The following LSM12 variants were observed in gnomAD, a reference collection of about 807,000 sequenced individuals.
LSM12 encodes the protein LSM12 homolog, also known as protein LSM12.
For missense variants in LSM12, 108 were observed against 238.9 expected, an observed-to-expected ratio of 0.45 and a Z score of 3.61; for synonymous variants, 74 against 87.3, an observed-to-expected ratio of 0.85 and a Z score of 0.85.
intron 2 of LSM12, among the ~76,000 whole-genome samples, chr17:44,048,610 T>C (rs1044619356): frequency 3.3e-5 from 5 of 151,940 alleles, no homozygotes; most frequent in Non-Finnish European, 5.9e-5. Flanking sequence ...CTGGTTAGCA[T>C]CTCAAAGAAT....
intron 2 of LSM12, among the ~76,000 whole-genome samples, chr17:44,043,004 C>G (rs2144077025): frequency 6.6e-6 from 1 of 152,278 alleles, no homozygotes; most frequent in South Asian, 2.1e-4. Context: ...CGCCTGGCTC[C>G]AAGCATAGTT....
At chr17:44,058,231 C>T (rs994306293) in intron 2 of LSM12, among the ~76,000 whole-genome samples, 1 of 150,412 alleles carries the variant, frequency 6.6e-6, no homozygotes, top group African/African-American at 2.4e-5. Flanking sequence ...AGCAAGACTC[C>T]GTCTCAAAAA....
chr17:44,055,105 C>T (rs890514678), intron 2 of LSM12, among the ~76,000 whole-genome samples: 13 of 152,028 alleles, frequency 8.6e-5, no homozygotes, highest in Non-Finnish European at 1.8e-4. Context: ...CCGCCTCGGC[C>T]TCCCAAAGTG....
At chr17:44,046,097 C>A (rs957084131) in intron 2 of LSM12, among the ~76,000 whole-genome samples, 1 of 151,232 alleles carries the variant, frequency 6.6e-6, no homozygotes, top group Non-Finnish European at 1.5e-5. Context: ...CCACCACGCC[C>A]GGATAATTTT....
intron 2 of LSM12, among the ~76,000 whole-genome samples, chr17:44,060,679 CT>C (rs1192525503): frequency 1.3e-5 from 2 of 152,216 alleles, no homozygotes; most frequent in Non-Finnish European, 2.9e-5. Flanking sequence ...CTATTACTTC[CT>C]GCTGCTTTCC....
chr17:44,039,363 GTCT>G (rs2049458355), intron 3 of LSM12, among the ~76,000 whole-genome samples: 2 of 91,186 alleles, frequency 2.2e-5, no homozygotes, highest in Admixed American at 1.2e-4. Flanking sequence ...CCAACAAAAT[GTCT>G]TTTTTTTTTT....
chr17:44,061,748 C>T (rs879616886), intron 2 of LSM12, among the ~76,000 whole-genome samples: 1 of 152,264 alleles, frequency 6.6e-6, no homozygotes. Context: ...GAAAAACTTC[C>T]ACCACATTAA....
At position 44,037,466 on chromosome 17, in the gene LSM12, T is replaced by C; in HGVS notation, c.441A>G (p.Gln147=). 2 of 1,611,540 alleles carry C rather than the reference T, an allele frequency of 1.2e-6. No individual in the cohort carries two copies. The highest frequency in any genetic ancestry group is 1.7e-6 in the Non-Finnish European group (2 of 1,179,040). Reference sequence around the variant, plus strand: ...CCTCTTTGCCTTTACAGTTTTCCACTTGATATGGGGGTGTAATAACAACTT... The same window carrying C: ...CCTCTTTGCCTTTACAGTTTTCCACCTGATATGGGGGTGTAATAACAACTT... The part of the protein sequence containing the change: ...MEEVVITPPY[Q]VENCKGKEGS... Residue 147 remains glutamine, a synonymous_variant, in exon 4 of 5, where the codon CAA becomes CAG. Transcript: ENST00000293406.
chr17:44,037,817 C>T (rs1255472261), intron 3 of LSM12, among the ~76,000 whole-genome samples: 2 of 152,202 alleles, frequency 1.3e-5, no homozygotes, highest in Non-Finnish European at 2.9e-5. Flanking sequence ...GTGATAGTGG[C>T]CTCAAGAATC....
intron 2 of LSM12, among the ~76,000 whole-genome samples, chr17:44,057,773 G>GTAATAA (rs544382507): frequency 2.8e-4 from 42 of 150,232 alleles, no homozygotes; most frequent in African/African-American, 8.1e-4. Flanking sequence ...AAAAAACAAA[G>GTAATAA]TAATAATAAT....
At chr17:44,065,310 G>A (rs2049857221) in intron 1 of LSM12, among the ~76,000 whole-genome samples, 1 of 151,610 alleles carries the variant, frequency 6.6e-6, no homozygotes. Context: ...GCGTGGTGGC[G>A]CGTGCCCGTA....
chr17:44,059,908 T>C (rs2049772704), intron 2 of LSM12, among the ~76,000 whole-genome samples: 1 of 152,160 alleles, frequency 6.6e-6, no homozygotes, highest in Admixed American at 6.5e-5. Context: ...CTCAAGCCTG[T>C]AATCCCAGCA....
At chr17:44,061,335 A>C (rs2049793247) in intron 2 of LSM12, among the ~76,000 whole-genome samples, 1 of 139,514 alleles carries the variant, frequency 7.2e-6, no homozygotes, top group Admixed American at 7.2e-5. Flanking sequence ...AAAAAAAAAA[A>C]CACCAAGGAA....
intron 1 of LSM12, among the ~76,000 whole-genome samples, chr17:44,065,346 C>T (rs1173091346): frequency 6.6e-6 from 1 of 151,208 alleles, no homozygotes; most frequent in African/African-American, 2.4e-5. Context: ...GAGGCTGAGG[C>T]AGGAGAATCG....
intron 2 of LSM12, among the ~76,000 whole-genome samples, chr17:44,042,568 T>C (rs1290363155): frequency 4.9e-3 from 1 of 204 alleles, no homozygotes; most frequent in Non-Finnish European, 0.012. Flanking sequence ...CCCAGCTAAT[T>C]TTTTTTTTTT....
chr17:44,040,244 C>T lies in LSM12; in HGVS notation c.271G>A (p.Ala91Thr). ...AGCTTCTCCTCCTTCTCTGTCCGTG[C>T]TTTGCTGGCAAGCTAGGGTGGAAGA... Reference protein sequence around the residue: ...SLNVSKLASKARTEKEEKLSQ... With the variant: ...SLNVSKLASKTRTEKEEKLSQ... Residue 91 changes from alanine to threonine, a missense_variant, in exon 3 of 5, where the codon GCA becomes ACA. Physicochemically the swap from Ala to Thr is moderately conservative, Grantham distance 58. Transcript: ENST00000293406. 6.2e-7 allele frequency: 1 copy of T among 1,613,728 alleles called. No individual in the cohort carries two copies.
chr17:44,054,601 C>A (rs1381877445), intron 2 of LSM12, among the ~76,000 whole-genome samples: 1 of 152,106 alleles, frequency 6.6e-6, no homozygotes, highest in Non-Finnish European at 1.5e-5. Flanking sequence ...TCACCACACC[C>A]ACCAAGTCGG....
At position 44,036,109 on chromosome 17, in the gene LSM12, G is replaced by A; in HGVS notation, c.*99C>T. On this transcript the variant is annotated 3_prime_UTR_variant, in exon 5 of 5. Transcript: ENST00000293406. ...CTGACCCTTTGTTAAGAGCCAACAG[G>A]ACATATAGGATCCCTTCCCTCCCCC... 1 of 1,038,670 alleles carries A rather than the reference G, an allele frequency of 9.6e-7. No individual in the cohort carries two copies. Among genetic ancestry groups the A allele is most frequent in the Non-Finnish European group, 1.4e-6 (1 of 702,106 alleles). 64.3% of individuals were successfully genotyped at this position (1,038,670 alleles called of 1,614,324 possible).
At chr17:44,056,856 T>TG (rs1178725516) in intron 2 of LSM12, among the ~76,000 whole-genome samples, 1 of 151,952 alleles carries the variant, frequency 6.6e-6, no homozygotes, top group Non-Finnish European at 1.5e-5. Flanking sequence ...CCAGGTGGGG[T>TG]GGCACATGCC....
Sources: allele counts gnomAD v4.1 joint callset (sites outside exome capture counted in the v4.1 genomes callset), GRCh38; gene constraint gnomAD v4.1.1; transcripts MANE v1.5; gene names NCBI Gene and HGNC (gene_info 2026-07-23, HGNC 2026-07-21).